The following ROBO2 variants were observed in gnomAD, a reference collection of about 807,000 sequenced individuals.
The protein encoded by ROBO2 is roundabout guidance receptor 2.
A neutral mutation model predicts 160.8 loss-of-function variants in ROBO2; 53 were observed. The ratio of observed to expected loss-of-function variants is 0.33; its 90% CI spans 0.26 to 0.41. The LOEUF (loss-of-function observed/expected upper bound fraction) is 0.41. Ranked by LOEUF, ROBO2 falls within the 10% of genes least tolerant of loss-of-function variation. ROBO2 has a pLI of 1.00. For synonymous variants in ROBO2, 664 were observed against 611.7 expected (o/e 1.09, Z -1.26); for missense variants, 1,577 against 1,722.4 (o/e 0.92, Z 1.49).
At position 77,592,145 on chromosome 3, in the gene ROBO2, G is replaced by A. The variant is rs529087341; in HGVS notation, c.2684-2997G>A. ...ACAACTAAATAACCCATTAAGATAA[G>A]GGTTTTTAAAAAAATTCTGACAGAA... On this transcript the variant is annotated intron_variant, in intron 17 of 25. Coordinates refer to ENST00000461745, the Ensembl canonical transcript of ROBO2. Among the ~76,000 whole-genome samples the A allele has an allele frequency of 2.3e-4, 35 of 152,016 alleles. 1 individual carries two copies. The East Asian group carries it at 6.2e-3, about 27-fold the overall frequency.
At chr3:76,833,023 A>G (rs541092377) in intron 2 of ROBO2, among the ~76,000 whole-genome samples, 71 of 152,314 alleles carry the variant, frequency 4.7e-4, no homozygotes, top group African/African-American at 1.6e-3. Flanking sequence ...AGAAAAAATT[A>G]TATATAACAT....
chr3:76,946,941 C>T (rs973018400), intron 2 of ROBO2, among the ~76,000 whole-genome samples: 2 of 152,164 alleles, frequency 1.3e-5, no homozygotes, highest in African/African-American at 2.4e-5. Flanking sequence ...TTTTGTCTTT[C>T]TTTCCGTAAT....
intron 2 of ROBO2, among the ~76,000 whole-genome samples, chr3:76,024,040 G>T: frequency 6.6e-6 from 1 of 151,366 alleles, no homozygotes; most frequent in South Asian, 2.1e-4. Context: ...AAAATCTATT[G>T]TTTAACATCA....
chr3:76,206,088 T>C (rs1357939226), intron 2 of ROBO2, among the ~76,000 whole-genome samples: 1 of 152,122 alleles, frequency 6.6e-6, no homozygotes, highest in Non-Finnish European at 1.5e-5. Flanking sequence ...CTCTGCTCTC[T>C]CTCTACAAAT....
chr3:77,241,646 T>C (rs898225882), intron 2 of ROBO2, among the ~76,000 whole-genome samples: 25 of 152,154 alleles, frequency 1.6e-4, no homozygotes, highest in African/African-American at 5.6e-4. Flanking sequence ...TGAACCCCAA[T>C]TGGCAGAGGA....
At chr3:76,339,496 G>C (rs529243643) in intron 2 of ROBO2, among the ~76,000 whole-genome samples, 1 of 152,040 alleles carries the variant, frequency 6.6e-6, no homozygotes, top group Non-Finnish European at 1.5e-5. Flanking sequence ...ATGTTATGAG[G>C]ACAAAAGATT....
chr3:77,205,034 C>G (rs775408173), intron 2 of ROBO2, among the ~76,000 whole-genome samples: 9 of 152,132 alleles, frequency 5.9e-5, no homozygotes, highest in African/African-American at 1.7e-4. Flanking sequence ...GCTGCAGCCC[C>G]GTGGTAGGTA....
chr3:76,884,291 ATG>A (rs1407262983), intron 2 of ROBO2, among the ~76,000 whole-genome samples: 2 of 152,228 alleles, frequency 1.3e-5, no homozygotes, highest in Non-Finnish European at 2.9e-5. Flanking sequence ...TTAATATTTT[ATG>A]TGGAAGTATG....
intron 2 of ROBO2, among the ~76,000 whole-genome samples, chr3:76,952,994 A>G (rs1270983727): frequency 6.6e-6 from 1 of 152,188 alleles, no homozygotes; most frequent in Non-Finnish European, 1.5e-5. Context: ...AAAATTTTCC[A>G]TCCTGTACCA....
At chr3:77,123,677 A>G (rs1382528739) in intron 2 of ROBO2, among the ~76,000 whole-genome samples, 2 of 150,154 alleles carry the variant, frequency 1.3e-5, no homozygotes, top group Non-Finnish European at 3.0e-5. Flanking sequence ...AGGGTAGAGG[A>G]CAGCAGCTTT....
At chr3:77,236,291 G>T (rs563540009) in intron 2 of ROBO2, among the ~76,000 whole-genome samples, 2 of 152,322 alleles carry the variant, frequency 1.3e-5, no homozygotes, top group South Asian at 2.1e-4. Context: ...GATAAGAGTT[G>T]TAGAGACCAA....
intron 5 of ROBO2, among the ~76,000 whole-genome samples, chr3:77,517,760 T>G (rs9822351): frequency 0.79 from 119,475 of 150,770 alleles, 48,065 homozygotes; most frequent in African/African-American, 0.93. Flanking sequence ...ATGAAAGCTT[T>G]CACTGGCCAG....
At chr3:76,892,373 T>G (rs2074415726) in intron 2 of ROBO2, among the ~76,000 whole-genome samples, 1 of 152,194 alleles carries the variant, frequency 6.6e-6, no homozygotes, top group African/African-American at 2.4e-5. Flanking sequence ...AATTTCGACC[T>G]GTCATCTACT....
chr3:76,907,394 T>G (rs2075675562), intron 2 of ROBO2, among the ~76,000 whole-genome samples: 1 of 152,208 alleles, frequency 6.6e-6, no homozygotes, highest in Non-Finnish European at 1.5e-5. Context: ...GACTGGATTT[T>G]AGATTATTAC....
chr3:76,388,658 C>T (rs2077007306), intron 2 of ROBO2, among the ~76,000 whole-genome samples: 2 of 152,108 alleles, frequency 1.3e-5, no homozygotes, highest in Admixed American at 1.3e-4. Flanking sequence ...TTGTAATTTT[C>T]AGAATGTGCC....
At chr3:76,429,335 T>C (rs1168284716) in intron 2 of ROBO2, among the ~76,000 whole-genome samples, 1 of 152,202 alleles carries the variant, frequency 6.6e-6, no homozygotes, top group Non-Finnish European at 1.5e-5. Flanking sequence ...GGAATAGCTG[T>C]GTTCTAACAT....
intron 19 of ROBO2, among the ~76,000 whole-genome samples, chr3:77,598,525 G>GTATATATATATATATATATA (rs2094360933): frequency 1.4e-5 from 1 of 71,452 alleles, no homozygotes; most frequent in African/African-American, 5.7e-5. Context: ...ATATATATAT[G>GTATATATATATATATATATA]TGTATATATA....
chr3:77,516,763 T>C (rs1257551248), intron 5 of ROBO2, among the ~76,000 whole-genome samples: 1 of 151,658 alleles, frequency 6.6e-6, no homozygotes, highest in African/African-American at 2.4e-5. Context: ...ATTTCAGAGC[T>C]AATTGCTGGT....
intron 2 of ROBO2, among the ~76,000 whole-genome samples, chr3:76,516,267 C>G (rs1379474255): frequency 6.6e-6 from 1 of 152,028 alleles, no homozygotes; most frequent in African/African-American, 2.4e-5. Flanking sequence ...AGCAGATGAC[C>G]CTAAATTGTT....
Sources: gnomAD v4.1 joint callset for allele counts (sites outside exome capture counted in the v4.1 genomes callset) on GRCh38, gnomAD v4.1.1 for gene constraint, MANE v1.5 for transcripts, NCBI Gene and HGNC (gene_info 2026-07-23, HGNC 2026-07-21) for gene names.